Variants in ROBO1 observed in about 807,000 individuals in gnomAD.
ROBO1 encodes the protein roundabout homolog 1.
Under a neutral mutation model 195.9 loss-of-function variants are expected in ROBO1, and 149 were observed. The ratio of observed to expected loss-of-function variants is 0.76; its 90% CI spans 0.67 to 0.87. ROBO1 has a LOEUF of 0.87. Among genes scored for constraint, ROBO1 ranks in the 40% least tolerant of loss-of-function variants. The pLI is 0.00. For missense variants in ROBO1, 1,933 were observed against 2,068.3 expected (o/e 0.93, Z 1.27); for synonymous variants, 816 against 733.2 (o/e 1.11, Z -1.82).
chr3:79,570,271 G>A (rs1282847037), intron 2 of ROBO1, among the ~76,000 whole-genome samples: 1 of 146,334 alleles, frequency 6.8e-6, no homozygotes, highest in Non-Finnish European at 1.5e-5. Flanking sequence ...CTACAGATAA[G>A]GGATTTGAAT....
intron 2 of ROBO1, among the ~76,000 whole-genome samples, chr3:79,441,147 T>C (rs2039041875): frequency 6.6e-6 from 1 of 152,132 alleles, no homozygotes. Flanking sequence ...CAAAAGAGTA[T>C]AAACACATTT....
chr3:78,675,144 T>C (rs1026397184), intron 10 of ROBO1, among the ~76,000 whole-genome samples: 1 of 151,686 alleles, frequency 6.6e-6, no homozygotes, highest in East Asian at 1.9e-4. Context: ...CCTTTTTTCT[T>C]TGTTTCATCC....
chr3:78,903,255 A>G (rs190477664), intron 4 of ROBO1, among the ~76,000 whole-genome samples: 38 of 152,284 alleles, frequency 2.5e-4, no homozygotes, highest in Admixed American at 2.5e-3. Context: ...CACATCCTAT[A>G]CTATAAATAT....
chr3:79,496,556 T>G (rs1212665829), intron 2 of ROBO1, among the ~76,000 whole-genome samples: 3 of 148,640 alleles, frequency 2.0e-5, no homozygotes, highest in African/African-American at 7.5e-5. Flanking sequence ...GCTAATTTTT[T>G]GTATTTTTTT....
intron 2 of ROBO1, among the ~76,000 whole-genome samples, chr3:79,584,655 A>T (rs1943769882): frequency 6.8e-6 from 1 of 147,608 alleles, no homozygotes; most frequent in Admixed American, 6.8e-5. Flanking sequence ...ATACACACAC[A>T]CACACATACA....
chr3:79,696,487 T>C (rs926700110), intron 1 of ROBO1, among the ~76,000 whole-genome samples: 1 of 150,154 alleles, frequency 6.7e-6, no homozygotes, highest in Admixed American at 6.7e-5. Flanking sequence ...CACAGGTATA[T>C]ATACAGATAT....
intron 4 of ROBO1, among the ~76,000 whole-genome samples, chr3:78,793,749 T>C (rs969231221): frequency 1.3e-5 from 2 of 152,054 alleles, no homozygotes; most frequent in Non-Finnish European, 2.9e-5. Flanking sequence ...AATAATAAGA[T>C]ATTTAGTTTT....
chr3:78,776,631 CATT>C (rs1404708446), intron 4 of ROBO1, among the ~76,000 whole-genome samples: 1 of 152,244 alleles, frequency 6.6e-6, no homozygotes, highest in African/African-American at 2.4e-5. Context: ...ATAAATCTTT[CATT>C]ATTATTGGCA....
chr3:79,152,026 C>T (rs563751602), intron 2 of ROBO1, among the ~76,000 whole-genome samples: 5 of 151,828 alleles, frequency 3.3e-5, no homozygotes, highest in Admixed American at 3.3e-4. Context: ...TATACGAATA[C>T]ATATTAAGTG....
chr3:78,674,566 A>AAAGAAGATACAAACAAATGGAAG (rs1708279473), intron 10 of ROBO1, among the ~76,000 whole-genome samples: 1 of 152,206 alleles, frequency 6.6e-6, no homozygotes, highest in Non-Finnish European at 1.5e-5. Flanking sequence ...AATCACCTTA[A>AAAGAAGATACAAACAAATGGAAG]AACGCCCAGA....
intron 4 of ROBO1, among the ~76,000 whole-genome samples, chr3:78,774,222 A>C (rs1298238016): frequency 6.6e-6 from 1 of 152,140 alleles, no homozygotes; most frequent in Non-Finnish European, 1.5e-5. Flanking sequence ...TTTTCCCACC[A>C]TCTTTAATGT....
chr3:78,612,039 A>T (rs1703846234), intron 28 of ROBO1, among the ~76,000 whole-genome samples: 1 of 152,204 alleles, frequency 6.6e-6, no homozygotes, highest in Admixed American at 6.5e-5. Context: ...ACAAGGATTA[A>T]CTGAGAAGGA....
chr3:78,707,833 G>C (rs767857140), intron 8 of ROBO1, among the ~76,000 whole-genome samples: 1 of 152,166 alleles, frequency 6.6e-6, no homozygotes, highest in Non-Finnish European at 1.5e-5. Flanking sequence ...CCTGCACTCA[G>C]CCCTCAAGAG....
intron 3 of ROBO1, among the ~76,000 whole-genome samples, chr3:78,988,538 C>T (rs988346463): frequency 1.3e-5 from 2 of 152,102 alleles, no homozygotes; most frequent in Admixed American, 1.3e-4. Flanking sequence ...AAGCATGAAA[C>T]ATAACTGGGT....
intron 2 of ROBO1, among the ~76,000 whole-genome samples, chr3:79,389,830 A>G (rs1350512251): frequency 6.6e-6 from 1 of 152,190 alleles, no homozygotes; most frequent in Non-Finnish European, 1.5e-5. Flanking sequence ...TTAGAGTCCT[A>G]TGGCCAAAGG....
intron 4 of ROBO1, among the ~76,000 whole-genome samples, chr3:78,787,963 G>A (rs1408594863): frequency 3.6e-5 from 4 of 109,990 alleles, no homozygotes; most frequent in Non-Finnish European, 7.2e-5. Context: ...TTTTTGATAC[G>A]GAGTCTCCCG....
At chr3:78,621,035 T>C (rs898100351) in intron 26 of ROBO1, among the ~76,000 whole-genome samples, 1 of 151,726 alleles carries the variant, frequency 6.6e-6, no homozygotes, top group Non-Finnish European at 1.5e-5. Flanking sequence ...TTATTATGTG[T>C]ATATATCTGT....
At chr3:79,088,281 A>G (rs1210561004) in intron 3 of ROBO1, among the ~76,000 whole-genome samples, 1 of 152,158 alleles carries the variant, frequency 6.6e-6, no homozygotes, top group Non-Finnish European at 1.5e-5. Context: ...TGGATGGATT[A>G]ATTTTACTCA....
chr3:78,720,669 C>T (rs1433168795), intron 5 of ROBO1, among the ~76,000 whole-genome samples: 3 of 152,084 alleles, frequency 2.0e-5, no homozygotes, highest in Non-Finnish European at 2.9e-5. Context: ...GCACTATTCA[C>T]AATAGTAAAG....
Sources: allele counts gnomAD v4.1 joint callset (sites outside exome capture counted in the v4.1 genomes callset), GRCh38; gene constraint gnomAD v4.1.1; transcripts MANE v1.5; gene names NCBI Gene and HGNC (gene_info 2026-07-23, HGNC 2026-07-21).